Variants in MGAT5 observed in about 807,000 individuals in gnomAD.
The protein encoded by MGAT5 is alpha-1,6-mannosylglycoprotein 6-beta-N-acetylglucosaminyltransferase A.
A neutral mutation model predicts 94.3 loss-of-function variants in MGAT5; 30 were observed. The observed-to-expected ratio is 0.32, with a 90% CI of 0.24 to 0.43. The LOEUF (loss-of-function observed/expected upper bound fraction) is 0.43. Ranked by LOEUF, MGAT5 falls within the 20% of genes least tolerant of loss-of-function variation. MGAT5 has a pLI of 1.00. For missense variants in MGAT5, 691 were observed against 905.5 expected, an observed-to-expected ratio of 0.76 and a Z score of 3.04; for synonymous variants, 310 against 322.9, an observed-to-expected ratio of 0.96 and a Z score of 0.43.
chr2:134,219,049 G>A (rs535607674), intron 1 of MGAT5, among the ~76,000 whole-genome samples: 1 of 152,260 alleles, frequency 6.6e-6, no homozygotes, highest in East Asian at 1.9e-4. Flanking sequence ...CAGGGGAGAT[G>A]GACATGTCAG....
At chr2:134,240,621 TA>T (rs1467979989) in intron 1 of MGAT5, among the ~76,000 whole-genome samples, 1 of 152,210 alleles carries the variant, frequency 6.6e-6, no homozygotes, top group Non-Finnish European at 1.5e-5. Flanking sequence ...TAGGAAAAGT[TA>T]AATTGAAGTA....
At chr2:134,142,095 G>C (rs1386941389) in intron 1 of MGAT5, among the ~76,000 whole-genome samples, 1 of 152,174 alleles carries the variant, frequency 6.6e-6, no homozygotes, top group Non-Finnish European at 1.5e-5. Flanking sequence ...GAGTGCAAGG[G>C]GAGGCTGACG....
Position 134,238,275 on chromosome 2 carries a change from C to T in MGAT5, c.-142-15987C>T, listed in dbSNP as rs376859365. On this transcript the variant is annotated intron_variant, in intron 1 of 16. Transcript: ENST00000409645. ...CTACTCTGAATGGAGATGGTTAGTA[C>T]ATACTTCACAGGCTTAGAGTAAGCA... Among the ~76,000 whole-genome samples, 4 of 152,312 alleles carry T rather than the reference C, an allele frequency of 2.6e-5. No individual in the cohort carries two copies. The South Asian group carries it at 8.3e-4, about 32-fold the overall frequency.
At position 134,145,214 on chromosome 2, in the gene MGAT5, C is replaced by CTCTCTCTGTGTGTGTGTGTGTGTG. The variant is rs373377770; in HGVS notation, c.-143+24924_-143+24925insCTCTCTGTGTGTGTGTGTGTGTGT. Among the ~76,000 whole-genome samples, 22 of 143,870 alleles carry CTCTCTCTGTGTGTGTGTGTGTGTG rather than the reference C, an allele frequency of 1.5e-4. No individual in the cohort carries two copies. The East Asian group carries it at 4.5e-3, about 29-fold the overall frequency. The allele number at this position is 143,870 out of a possible 152,430, so 94.4% of individuals were successfully genotyped here. ...GTAAGGTGTGTGTGTGTCTCTCTCTCTGTGTGTGTGTGTGTGTGTGTGTGT... is the reference window on the plus strand; with the variant it reads ...GTAAGGTGTGTGTGTGTCTCTCTCTCTCTCTCTGTGTGTGTGTGTGTGTGTGTGTGTGTGTGTGTGTGTGTGTGT... On this transcript the variant is annotated intron_variant, in intron 1 of 16. Coordinates refer to the MGAT5 transcript ENST00000409645.
intron 1 of MGAT5, among the ~76,000 whole-genome samples, chr2:134,194,041 A>G (rs1426349439): frequency 6.6e-6 from 1 of 152,194 alleles, no homozygotes; most frequent in Non-Finnish European, 1.5e-5. Flanking sequence ...AAAACCTTGA[A>G]TTGCTCTTGA....
chr2:134,347,854 A>C (rs1357879408), intron 8 of MGAT5, among the ~76,000 whole-genome samples: 1 of 152,198 alleles, frequency 6.6e-6, no homozygotes, highest in Non-Finnish European at 1.5e-5. Flanking sequence ...AAGGCTCCAC[A>C]TGACCACAGT....
chr2:134,219,963 A>C (rs901373724), intron 1 of MGAT5, among the ~76,000 whole-genome samples: 10 of 152,142 alleles, frequency 6.6e-5, no homozygotes, highest in Non-Finnish European at 1.5e-4. Flanking sequence ...ATAGGAGTAA[A>C]GGAATTTAAA....
chr2:134,249,515 T>C (rs1157638763), upstream of MGAT5, among the ~76,000 whole-genome samples: 1 of 152,230 alleles, frequency 6.6e-6, no homozygotes, highest in Non-Finnish European at 1.5e-5. Flanking sequence ...AATATGTGTT[T>C]TTTTGTTACT....
intron 14 of MGAT5, among the ~76,000 whole-genome samples, chr2:134,432,459 GC>G (rs1378060516): frequency 6.6e-6 from 1 of 152,218 alleles, no homozygotes; most frequent in Non-Finnish European, 1.5e-5. Flanking sequence ...GCAAGGACAA[GC>G]CTGTTATGAA....
chr2:134,260,708 T>C (rs928913723), intron 1 of MGAT5, among the ~76,000 whole-genome samples: 5 of 151,218 alleles, frequency 3.3e-5, no homozygotes, highest in South Asian at 4.2e-4. Context: ...TTTTCTTTTT[T>C]TTTTTTTTTT....
chr2:134,342,409 A>G (rs1688682836), intron 7 of MGAT5, among the ~76,000 whole-genome samples: 1 of 152,172 alleles, frequency 6.6e-6, no homozygotes, highest in Admixed American at 6.5e-5. Flanking sequence ...CCATGTTGCT[A>G]TATGTCGTAT....
At chr2:134,319,497 A>G (rs1210116205) in intron 4 of MGAT5, among the ~76,000 whole-genome samples, 1 of 152,166 alleles carries the variant, frequency 6.6e-6, no homozygotes, top group Non-Finnish European at 1.5e-5. Flanking sequence ...TAGGTAAATG[A>G]AAGACAAAAG....
chr2:134,314,454 T>C (rs1278043733), intron 2 of MGAT5, among the ~76,000 whole-genome samples: 1 of 152,194 alleles, frequency 6.6e-6, no homozygotes, highest in Non-Finnish European at 1.5e-5. Context: ...AACATGCCTA[T>C]GTTTATTCAG....
chr2:134,128,428 T>C (rs1225511745), intron 1 of MGAT5, among the ~76,000 whole-genome samples: 1 of 152,194 alleles, frequency 6.6e-6, no homozygotes, highest in Non-Finnish European at 1.5e-5. Context: ...AGGGGATCCT[T>C]GGTAATACTG....
intron 1 of MGAT5, among the ~76,000 whole-genome samples, chr2:134,148,001 G>A (rs2104990275): frequency 6.6e-6 from 1 of 152,236 alleles, no homozygotes. Context: ...AAAAATGGTG[G>A]TACAGAATAA....
intron 1 of MGAT5, among the ~76,000 whole-genome samples, chr2:134,154,076 ATAAG>A (rs1687359974): frequency 6.6e-6 from 1 of 152,224 alleles, no homozygotes; most frequent in African/African-American, 2.4e-5. Context: ...ACTTTTGTAA[ATAAG>A]AGCCATAGCA....
intron 4 of MGAT5, among the ~76,000 whole-genome samples, chr2:134,335,113 T>G (rs1688255222): frequency 6.6e-6 from 1 of 152,144 alleles, no homozygotes; most frequent in Non-Finnish European, 1.5e-5. Context: ...GCATTATGAG[T>G]AACTTCCAGA....
intron 4 of MGAT5, among the ~76,000 whole-genome samples, chr2:134,324,070 G>C (rs900616361): frequency 2.6e-5 from 4 of 152,148 alleles, no homozygotes; most frequent in Non-Finnish European, 2.9e-5. Flanking sequence ...ATATTATGTT[G>C]ATAGATGATA....
intron 10 of MGAT5, among the ~76,000 whole-genome samples, chr2:134,374,908 G>A (rs760488485): frequency 3.7e-4 from 57 of 152,288 alleles, no homozygotes; most frequent in South Asian, 1.0e-3. Context: ...TGGGAGGATC[G>A]CTTCAGTCTG....
Sources: allele counts gnomAD v4.1 joint callset (sites outside exome capture counted in the v4.1 genomes callset), GRCh38; gene constraint gnomAD v4.1.1; transcripts MANE v1.5; gene names NCBI Gene and HGNC (gene_info 2026-07-23, HGNC 2026-07-21).